Variants in PTPRD observed in about 807,000 individuals in gnomAD.
The protein encoded by PTPRD is receptor-type tyrosine-protein phosphatase delta.
In PTPRD, 34 loss-of-function variants were observed where a neutral mutation model predicts 214.5. That is an observed-to-expected ratio of 0.16 (90% CI 0.12 to 0.21). PTPRD has a LOEUF of 0.21. Ranked by LOEUF, PTPRD falls within the 10% of genes least tolerant of loss-of-function variation. The pLI, the probability that PTPRD is intolerant of heterozygous loss-of-function variation, is 1.00. For synonymous variants in PTPRD, 1,128 were observed against 845.7 expected (o/e 1.33, Z -5.79); for missense variants, 2,545 against 2,398.7 (o/e 1.06, Z -1.27).
intron 7 of PTPRD, among the ~76,000 whole-genome samples, chr9:9,670,192 G>A (rs756308860): frequency 5.3e-5 from 8 of 152,088 alleles, no homozygotes; most frequent in South Asian, 2.1e-4. Context: ...TAATGTAGAA[G>A]CAACAAGACC....
chr9:9,543,947 A>G (rs1259650835), intron 8 of PTPRD, among the ~76,000 whole-genome samples: 2 of 151,650 alleles, frequency 1.3e-5, no homozygotes, highest in South Asian at 4.1e-4. Flanking sequence ...CTTTGAGTCC[A>G]AATTTTATCA....
chr9:9,385,444 A>C (rs1390268364), intron 9 of PTPRD, among the ~76,000 whole-genome samples: 2 of 152,204 alleles, frequency 1.3e-5, no homozygotes, highest in South Asian at 2.1e-4. Context: ...AAATGCTTAC[A>C]GATTCTACTT....
chr9:8,455,600 C>T (rs939178232), intron 33 of PTPRD, among the ~76,000 whole-genome samples: 1 of 152,100 alleles, frequency 6.6e-6, no homozygotes, highest in Non-Finnish European at 1.5e-5. Flanking sequence ...TTCAATCCAT[C>T]TCTTTTCAAA....
chr9:10,031,647 T>TATATATATATATATATATATATATACAC, intron 4 of PTPRD, among the ~76,000 whole-genome samples: 3 of 89,644 alleles, frequency 3.3e-5, no homozygotes, highest in African/African-American at 2.4e-4. Context: ...TATATATATA[T>TATATATATATATATATATATATATACAC]ACACACACAC....
chr9:9,425,140 G>C (rs1175756813), intron 8 of PTPRD, among the ~76,000 whole-genome samples: 2 of 151,920 alleles, frequency 1.3e-5, no homozygotes, highest in African/African-American at 4.8e-5. Flanking sequence ...GAGAGTAAGA[G>C]GCCATATGGA....
chr9:9,788,052 G>A (rs754842673), intron 5 of PTPRD, among the ~76,000 whole-genome samples: 57 of 151,518 alleles, frequency 3.8e-4, no homozygotes, highest in Non-Finnish European at 7.4e-4. Flanking sequence ...CCAAAGTGCT[G>A]GGATTACAGG....
intron 2 of PTPRD, among the ~76,000 whole-genome samples, chr9:10,359,433 C>T (rs2097336301): frequency 6.6e-6 from 1 of 151,974 alleles, no homozygotes; most frequent in Non-Finnish European, 1.5e-5. Context: ...TCCTTCCCAA[C>T]TCTTGGTAAT....
chr9:10,453,968 C>T lies in PTPRD; in HGVS notation c.-599-112951G>A, dbSNP rs534503634. On this transcript the variant is annotated intron_variant, in intron 2 of 45. Transcript: ENST00000381196. Reference sequence around the variant, plus strand: ...GGCCTTTATCATGTTGAGGTTACCCCAAACAATAGGCTGGTATTTAAAGTT... The same window carrying T: ...GGCCTTTATCATGTTGAGGTTACCCTAAACAATAGGCTGGTATTTAAAGTT... 7.9e-5 allele frequency among the ~76,000 whole-genome samples: 12 copies of T among 151,590 alleles called. No homozygotes were observed. The South Asian group carries it at 8.3e-4, about 10-fold the overall frequency.
At chr9:8,855,283 T>C (rs1334986426) in intron 11 of PTPRD, among the ~76,000 whole-genome samples, 1 of 152,152 alleles carries the variant, frequency 6.6e-6, no homozygotes, top group Admixed American at 6.5e-5. Flanking sequence ...CTTTGAGATA[T>C]TCTGGATTTA....
chr9:8,553,360 T>A (rs1354183028), intron 14 of PTPRD, among the ~76,000 whole-genome samples: 1 of 152,122 alleles, frequency 6.6e-6, no homozygotes. Flanking sequence ...TTGAAAGAGC[T>A]CAAACAGTGG....
At chr9:8,621,150 GTCTCTGCTTCAACTCCACACCAA>G (rs1163920443) in intron 14 of PTPRD, among the ~76,000 whole-genome samples, 1 of 151,872 alleles carries the variant, frequency 6.6e-6, no homozygotes, top group African/African-American at 2.4e-5. Flanking sequence ...GGGTAAGCCT[GTCTCTGCTTCAACTCCACACCAA>G]TTACTTCCCC....
intron 8 of PTPRD, among the ~76,000 whole-genome samples, chr9:9,554,311 C>T (rs2081002996): frequency 6.6e-6 from 1 of 151,968 alleles, no homozygotes; most frequent in Admixed American, 6.6e-5. Context: ...GAATGTCTGA[C>T]TAATGGATAG....
intron 8 of PTPRD, among the ~76,000 whole-genome samples, chr9:9,543,057 A>G (rs887163370): frequency 3.3e-5 from 5 of 151,832 alleles, no homozygotes; most frequent in Non-Finnish European, 5.9e-5. Context: ...AAACAATGCA[A>G]GTGCTCATAT....
intron 3 of PTPRD, among the ~76,000 whole-genome samples, chr9:10,229,915 C>T (rs2099602940): frequency 6.6e-6 from 1 of 151,742 alleles, no homozygotes; most frequent in East Asian, 1.9e-4. Flanking sequence ...TTTTTAATTC[C>T]ACTTCACAAG....
rs118123617 is a variant in PTPRD, at chr9:9,490,396, G to T, written c.-237+84336C>A. On this transcript the variant is annotated intron_variant, in intron 8 of 45. Transcript: ENST00000381196. The stretch of plus-strand genomic sequence containing the variant: ...GTAATGACAGTTTTTAATTGTATTT[G>T]TCGCTTTCCACACAATTTAATGAAC... 2.6e-3 allele frequency among the ~76,000 whole-genome samples: 395 copies of T among 152,152 alleles called. 11 individuals carry two copies. The East Asian group carries it at 0.067, about 26-fold the overall frequency.
At chr9:9,143,166 G>A (rs1243896285) in intron 10 of PTPRD, among the ~76,000 whole-genome samples, 1 of 152,154 alleles carries the variant, frequency 6.6e-6, no homozygotes, top group Non-Finnish European at 1.5e-5. Context: ...CCTCATTGGA[G>A]CATGCTATTT....
chr9:9,753,620 G>A (rs2098542645), intron 6 of PTPRD, among the ~76,000 whole-genome samples: 2 of 151,986 alleles, frequency 1.3e-5, no homozygotes, highest in South Asian at 4.2e-4. Flanking sequence ...TTAATGGGGT[G>A]AGCTTAGGGT....
At chr9:9,267,983 A>T (rs1189606327) in intron 9 of PTPRD, among the ~76,000 whole-genome samples, 1 of 151,016 alleles carries the variant, frequency 6.6e-6, no homozygotes, top group Non-Finnish European at 1.5e-5. Context: ...AAGGATGTCC[A>T]CTCTCGCCAC....
chr9:10,558,525 G>A (rs1269701202), intron 2 of PTPRD, among the ~76,000 whole-genome samples: 2 of 151,976 alleles, frequency 1.3e-5, no homozygotes, highest in Non-Finnish European at 2.9e-5. Context: ...AACACAGTAG[G>A]TGCAGCTACT....
Sources: allele counts gnomAD v4.1 joint callset (sites outside exome capture counted in the v4.1 genomes callset), GRCh38; gene constraint gnomAD v4.1.1; transcripts MANE v1.5; gene names NCBI Gene and HGNC (gene_info 2026-07-23, HGNC 2026-07-21).